The following CSMD3 variants were observed in gnomAD, a reference collection of about 807,000 sequenced individuals.
The protein encoded by CSMD3 is CUB and sushi domain-containing protein 3.
A neutral mutation model predicts 435.2 loss-of-function variants in CSMD3; 177 were observed. The ratio of observed to expected loss-of-function variants is 0.41; its 90% confidence interval spans 0.36 to 0.46. The LOEUF (loss-of-function observed/expected upper bound fraction) is 0.46. Among genes scored for constraint, CSMD3 ranks in the 20% least tolerant of loss-of-function variants. The pLI is 0.34. For missense variants in CSMD3, 4,265 were observed against 4,504.6 expected, an observed-to-expected ratio of 0.95 and a Z score of 1.52; for synonymous variants, 1,656 against 1,520.5, an observed-to-expected ratio of 1.09 and a Z score of -2.07.
chr8:113,379,406 A>G (rs771450588), intron 1 of CSMD3, among the ~76,000 whole-genome samples: 16 of 152,220 alleles, frequency 1.1e-4, no homozygotes, highest in Admixed American at 3.3e-4. Flanking sequence ...AAGGCATATA[A>G]CCATTGCAAA....
At position 112,954,718 on chromosome 8, in the gene CSMD3, A is replaced by G. The variant is rs1239549083; in HGVS notation, c.1386T>C (p.Phe462=). The G allele has an allele frequency of 1.2e-6, 2 of 1,603,008 alleles. No homozygotes were observed. ...ACTTGTTGCTGTTGTCTTTCCCTGG[A>G]AACAATTTAAATCCTCTAGATTTAA... The part of the protein sequence containing the change: ...IDFKSRGFKL[F]PGKDNSNKFS... The change falls in exon 8 of 71, where the codon TTT becomes TTC. Residue 462 remains phenylalanine, a synonymous_variant. Coordinates refer to ENST00000297405, the MANE Select transcript of CSMD3 (RefSeq NM_198123.2).
intron 32 of CSMD3, among the ~76,000 whole-genome samples, chr8:112,455,311 G>A (rs975159088): frequency 1.3e-5 from 2 of 151,712 alleles, no homozygotes; most frequent in Non-Finnish European, 2.9e-5. Flanking sequence ...ACTGTAGGCC[G>A]TTATCCTAAG....
chr8:112,899,706 A>ATAACAGG (rs1347928330), intron 10 of CSMD3, among the ~76,000 whole-genome samples: 1 of 143,142 alleles, frequency 7.0e-6, no homozygotes, highest in Admixed American at 7.1e-5. Flanking sequence ...TATAGCCATC[A>ATAACAGG]TAACAGGTAT....
At chr8:113,068,600 C>T (rs982696822) in intron 5 of CSMD3, among the ~76,000 whole-genome samples, 7 of 152,132 alleles carry the variant, frequency 4.6e-5, no homozygotes, top group Admixed American at 4.6e-4. Flanking sequence ...TTCTCCACAA[C>T]AGCAATTTTA....
chr8:112,636,484 ATCTG>A lies in CSMD3; in HGVS notation c.3715+329_3715+332del, dbSNP rs1319872241. 1.2e-3 allele frequency among the ~76,000 whole-genome samples: 126 copies of A among 105,388 alleles called. 1 individual carries two copies. Among genetic ancestry groups the A allele is most frequent in the South Asian group, 3.6e-3 (12 of 3,360 alleles). The allele number at this position is 105,388 out of a possible 152,430, so 69.1% of individuals were successfully genotyped here. A position where few individuals can be genotyped will look rare whatever the true frequency, so the allele number is the denominator to read the frequency against. Reference sequence around the variant, plus strand: ...AATATGATTCTATTTCTATCTGTCTATCTGTCTATCTATATCATCTATCTTTCTC... The same window carrying A: ...AATATGATTCTATTTCTATCTGTCTATCTATCTATATCATCTATCTTTCTC... On this transcript the variant is annotated intron_variant, in intron 22 of 70. Transcript: ENST00000297405.
chr8:112,863,557 A>G (rs2080884255), intron 10 of CSMD3, among the ~76,000 whole-genome samples: 2 of 151,992 alleles, frequency 1.3e-5, no homozygotes, highest in Non-Finnish European at 2.9e-5. Flanking sequence ...CATTTTTTAC[A>G]TAGATGACAC....
At chr8:112,296,726 G>A (rs1217685038) in intron 53 of CSMD3, among the ~76,000 whole-genome samples, 3 of 151,828 alleles carry the variant, frequency 2.0e-5, no homozygotes, top group Non-Finnish European at 2.9e-5. Flanking sequence ...GCAAAATGAT[G>A]TAAAAATAAA....
intron 11 of CSMD3, among the ~76,000 whole-genome samples, chr8:112,858,399 C>A (rs1432017155): frequency 6.6e-6 from 1 of 151,638 alleles, no homozygotes; most frequent in Admixed American, 6.6e-5. Context: ...AGCTCGACCA[C>A]CAAACTTTAA....
chr8:112,520,264 G>T (rs1037983778), intron 27 of CSMD3, among the ~76,000 whole-genome samples: 1 of 152,020 alleles, frequency 6.6e-6, no homozygotes, highest in African/African-American at 2.4e-5. Context: ...CACTTGACTA[G>T]CAGCTCAGTT....
chr8:113,397,329 T>G (rs895210717), intron 1 of CSMD3, among the ~76,000 whole-genome samples: 14 of 152,156 alleles, frequency 9.2e-5, no homozygotes, highest in South Asian at 2.1e-4. Flanking sequence ...CTCTTTAAAT[T>G]CATTATCTAT....
chr8:112,410,648 A>G (rs11785886), intron 32 of CSMD3, among the ~76,000 whole-genome samples: 934 of 29,120 alleles, frequency 0.032, 7 homozygotes, highest in African/African-American at 0.072. Context: ...GTATATATAT[A>G]TGTGTATATA....
intron 3 of CSMD3, among the ~76,000 whole-genome samples, chr8:113,235,093 C>G (rs2093132715): frequency 6.6e-6 from 1 of 152,118 alleles, no homozygotes; most frequent in Non-Finnish European, 1.5e-5. Flanking sequence ...ACTGACTTAT[C>G]TCTACATTTA....
chr8:112,634,046 T>C (rs1282749360), intron 22 of CSMD3, among the ~76,000 whole-genome samples: 1 of 152,004 alleles, frequency 6.6e-6, no homozygotes, highest in Non-Finnish European at 1.5e-5. Context: ...CAGTTGGCAA[T>C]GCTGAAGACT....
chr8:113,421,446 G>T (rs917428376), intron 1 of CSMD3, among the ~76,000 whole-genome samples: 4 of 152,210 alleles, frequency 2.6e-5, no homozygotes, highest in African/African-American at 9.6e-5. Context: ...ATAGGGCACA[G>T]ATTTTATAAA....
intron 38 of CSMD3, among the ~76,000 whole-genome samples, chr8:112,362,684 GAC>G (rs1827368847): frequency 8.3e-6 from 1 of 120,230 alleles, no homozygotes. Context: ...AGTTTGATTT[GAC>G]AGATGATGAT....
At chr8:113,114,538 A>G (rs1258951738) in intron 4 of CSMD3, among the ~76,000 whole-genome samples, 1 of 152,108 alleles carries the variant, frequency 6.6e-6, no homozygotes, top group African/African-American at 2.4e-5. Context: ...GTGCAGAAAG[A>G]CCCTGACCTA....
chr8:112,797,158 A>G (rs1247781875), intron 13 of CSMD3, among the ~76,000 whole-genome samples: 2 of 151,958 alleles, frequency 1.3e-5, no homozygotes, highest in East Asian at 3.9e-4. Context: ...GTACTATTTT[A>G]CATTCATACA....
chr8:112,571,655 G>A (rs1253256250), intron 24 of CSMD3, among the ~76,000 whole-genome samples: 1 of 151,756 alleles, frequency 6.6e-6, no homozygotes, highest in Non-Finnish European at 1.5e-5. Context: ...GATCGCCTGA[G>A]GTCAGGAGTT....
intron 11 of CSMD3, among the ~76,000 whole-genome samples, chr8:112,855,337 G>A (rs955138972): frequency 5.3e-5 from 8 of 152,012 alleles, no homozygotes; most frequent in Non-Finnish European, 1.0e-4. Context: ...TGCAAAGGAC[G>A]CAATTTCTAC....
Sources: gnomAD v4.1 joint callset for allele counts (sites outside exome capture counted in the v4.1 genomes callset) on GRCh38, gnomAD v4.1.1 for gene constraint, MANE v1.5 for transcripts, NCBI Gene and HGNC (gene_info 2026-07-23, HGNC 2026-07-21) for gene names.